SPAG16: variants seen among roughly 807,000 people sequenced by gnomAD.
The protein encoded by SPAG16 is sperm associated antigen 16.
SPAG16 carries 86 observed loss-of-function variants against 80.4 expected under a neutral mutation model. The observed-to-expected ratio is 1.07, with a 90% confidence interval of 0.90 to 1.28. The LOEUF is 1.28. Among genes scored for constraint, SPAG16 ranks in the 50% most tolerant of loss-of-function variants. The pLI is 0.00. For synonymous variants in SPAG16, 294 were observed against 265.9 expected, an observed-to-expected ratio of 1.11 and a Z score of -1.03; for missense variants, 870 against 765.3, an observed-to-expected ratio of 1.14 and a Z score of -1.61.
intron 9 of SPAG16, among the ~76,000 whole-genome samples, chr2:213,429,760 C>T (rs992901965): frequency 2.0e-5 from 3 of 152,074 alleles, no homozygotes; most frequent in African/African-American, 7.2e-5. Flanking sequence ...GATTCTTTGC[C>T]GTTGAACACA....
intron 12 of SPAG16, among the ~76,000 whole-genome samples, chr2:213,966,677 G>C (rs935441903): frequency 6.6e-6 from 1 of 151,994 alleles, no homozygotes; most frequent in Non-Finnish European, 1.5e-5. Flanking sequence ...ATAATAATTA[G>C]AGCAATAATC....
chr2:213,425,136 A>G (rs2069831251), intron 9 of SPAG16, among the ~76,000 whole-genome samples: 1 of 151,090 alleles, frequency 6.6e-6, no homozygotes, highest in African/African-American at 2.4e-5. Flanking sequence ...ATCCTGGCTA[A>G]CATGGTGAAA....
At chr2:213,892,861 C>A (rs2076838511) in intron 11 of SPAG16, among the ~76,000 whole-genome samples, 1 of 152,058 alleles carries the variant, frequency 6.6e-6, no homozygotes, top group Admixed American at 6.6e-5. Flanking sequence ...GAAAGTTGAA[C>A]AATAGCAAGT....
At chr2:213,388,533 C>G (rs2067569849) in intron 9 of SPAG16, among the ~76,000 whole-genome samples, 1 of 152,196 alleles carries the variant, frequency 6.6e-6, no homozygotes, top group Non-Finnish European at 1.5e-5. Flanking sequence ...AGTAAGGTTA[C>G]TGATCCTTGA....
At chr2:214,117,347 A>G (rs764520305) in intron 14 of SPAG16, among the ~76,000 whole-genome samples, 2 of 152,190 alleles carry the variant, frequency 1.3e-5, no homozygotes, top group African/African-American at 2.4e-5. Flanking sequence ...TAAAGAAGTT[A>G]CAGGATCCTA....
At chr2:214,407,390 A>G (rs1702051680) in intron 15 of SPAG16, among the ~76,000 whole-genome samples, 1 of 152,112 alleles carries the variant, frequency 6.6e-6, no homozygotes, top group African/African-American at 2.4e-5. Context: ...TTTTTTAAAG[A>G]GACATATTTA....
At chr2:213,896,850 G>A (rs2077013883) in intron 11 of SPAG16, among the ~76,000 whole-genome samples, 1 of 151,880 alleles carries the variant, frequency 6.6e-6, no homozygotes, top group African/African-American at 2.4e-5. Flanking sequence ...TTACTCATAT[G>A]GAAGCTAAAA....
At chr2:214,028,176 T>C (rs548918031) in intron 13 of SPAG16, among the ~76,000 whole-genome samples, 5 of 152,136 alleles carry the variant, frequency 3.3e-5, no homozygotes, top group African/African-American at 7.2e-5. Flanking sequence ...GTATTTTCTG[T>C]ATTCCCTGGA....
Position 214,108,204 on chromosome 2 carries a change from T to G in SPAG16, c.1536T>G (p.Cys512Trp). The G allele has an allele frequency of 6.3e-7, 1 of 1,590,226 alleles. No individual in the cohort carries two copies. Among genetic ancestry groups the G allele is most frequent in the Non-Finnish European group, 8.6e-7 (1 of 1,162,764 alleles). The change falls in exon 14 of 16, where the codon TGT (cysteine) becomes TGG (tryptophan). Residue 512 changes from cysteine (C) to tryptophan (W), a missense_variant. Coordinates refer to ENST00000331683, the MANE Select transcript of SPAG16 (RefSeq NM_024532.5). ...CTGCTTTGTCTTCCTAGGGTATATG[T>G]GAGCAGTCACTTTATGGTCACATGC... Reference protein sequence around the residue: ...LSIWDARTGICEQSLYGHMHS... With the variant: ...LSIWDARTGIWEQSLYGHMHS...
chr2:213,997,265 G>A (rs931048990), intron 12 of SPAG16, among the ~76,000 whole-genome samples: 6 of 152,030 alleles, frequency 3.9e-5, no homozygotes, highest in African/African-American at 1.4e-4. Context: ...GACATACCAG[G>A]GGCTCAGGAA....
chr2:213,643,345 ATTTTATATAT>A (rs2062676534), intron 10 of SPAG16, among the ~76,000 whole-genome samples: 1 of 46,160 alleles, frequency 2.2e-5, no homozygotes, highest in East Asian at 6.6e-4. Context: ...TTGGATCTTA[ATTTTATATAT>A]ATATATATAT....
chr2:213,869,661 T>TTTG (rs1553648950), intron 11 of SPAG16, among the ~76,000 whole-genome samples: 30,051 of 142,484 alleles, frequency 0.21, 3,661 homozygotes, highest in South Asian at 0.34. Context: ...TTTTTTTTTT[T>TTTG]GTCTAATTCC....
At chr2:213,551,772 G>A (rs747900277) in intron 10 of SPAG16, among the ~76,000 whole-genome samples, 3 of 152,162 alleles carry the variant, frequency 2.0e-5, no homozygotes, top group Non-Finnish European at 4.4e-5. Flanking sequence ...TTTCAACAGT[G>A]ACGTCCCCAC....
intron 10 of SPAG16, among the ~76,000 whole-genome samples, chr2:213,532,087 A>C (rs1301473105): frequency 1.3e-5 from 2 of 152,244 alleles, no homozygotes; most frequent in African/African-American, 4.8e-5. Flanking sequence ...CATATCCAAA[A>C]TTCTGGTTTG....
intron 10 of SPAG16, among the ~76,000 whole-genome samples, chr2:213,649,789 C>T (rs1401993002): frequency 6.6e-6 from 1 of 151,926 alleles, no homozygotes; most frequent in Non-Finnish European, 1.5e-5. Context: ...TTTGGTTGCC[C>T]AGGCTGGTCA....
chr2:213,284,620 G>C lies in SPAG16; in HGVS notation c.136+1G>C, dbSNP rs755677232. The stretch of plus-strand genomic sequence containing the variant: ...GCTGAGGGCGCCTACTACCTGGAAC[G>C]TATCCTTCCCGTGGAGGCGCGGCCC... On this transcript the variant is annotated splice_donor_variant, in intron 1 of 15. Transcript: ENST00000331683. LOFTEE classifies it high-confidence loss of function. 37 of 1,606,668 alleles carry C rather than the reference G, an allele frequency of 2.3e-5. No homozygotes were observed. Among genetic ancestry groups the C allele is most frequent in the Non-Finnish European group, 6.8e-6 (8 of 1,177,152 alleles).
chr2:213,407,621 G>C (rs963293957), intron 9 of SPAG16, among the ~76,000 whole-genome samples: 14 of 132,304 alleles, frequency 1.1e-4, no homozygotes, highest in Middle Eastern at 4.2e-3. Flanking sequence ...GAGAGAGAGA[G>C]AGAGAGAGAG....
chr2:213,944,148 A>G (rs2079338919), intron 12 of SPAG16, among the ~76,000 whole-genome samples: 1 of 152,268 alleles, frequency 6.6e-6, no homozygotes, highest in Non-Finnish European at 1.5e-5. Context: ...GAACCCACCA[A>G]TGGGTGGGGT....
At chr2:214,304,102 A>G in intron 15 of SPAG16, among the ~76,000 whole-genome samples, 1 of 152,188 alleles carries the variant, frequency 6.6e-6, no homozygotes, top group Non-Finnish European at 1.5e-5. Context: ...AAGTGAGAAC[A>G]TGTGGTATTT....
Sources: gnomAD v4.1 joint callset for allele counts (sites outside exome capture counted in the v4.1 genomes callset) on GRCh38, gnomAD v4.1.1 for gene constraint, MANE v1.5 for transcripts, NCBI Gene and HGNC (gene_info 2026-07-23, HGNC 2026-07-21) for gene names.